CHUK: variants seen among roughly 807,000 people sequenced by gnomAD.
The protein encoded by CHUK is inhibitor of nuclear factor kappa-B kinase subunit alpha.
Under a neutral mutation model 104.8 loss-of-function variants are expected in CHUK, and 35 were observed. That is an observed-to-expected ratio of 0.33 (90% CI 0.26 to 0.44). CHUK has a LOEUF of 0.44. Among genes scored for constraint, CHUK ranks in the 20% least tolerant of loss-of-function variants. CHUK has a pLI of 1.00. For synonymous variants in CHUK, 276 were observed against 291.9 expected (o/e 0.95, Z 0.56); for missense variants, 663 against 902.7 (o/e 0.73, Z 3.40).
chr10:100,190,382 A>G (rs1845168913), intron 20 of CHUK: 1 of 186,550 alleles, frequency 5.4e-6, no homozygotes, highest in Non-Finnish European at 1.1e-5. Context: ...TAAATGCAGG[A>G]AAAATTGATT....
chr10:100,206,116 T>C (rs1318166491), intron 11 of CHUK, among the ~76,000 whole-genome samples: 1 of 151,896 alleles, frequency 6.6e-6, no homozygotes, highest in Admixed American at 6.6e-5. Context: ...TGTTCTAAGA[T>C]GAGATCTTAG....
rs1845139151 is a variant in CHUK at position 100,189,237 on chromosome 10, A to G, written c.*361T>C. ...AACTACATTTGGTCTTACGCCCAAA[A>G]GTTAAAAGTTGACACTAATACATAG... On this transcript the variant is annotated 3_prime_UTR_variant, in exon 21 of 21. Transcript: ENST00000370397. The G allele has an allele frequency of 5.3e-6, 1 of 187,260 alleles. No individual in the cohort carries two copies. Among genetic ancestry groups the G allele is most frequent in the Non-Finnish European group, 1.1e-5 (1 of 89,974 alleles). The allele number at this position is 187,260 out of a possible 1,614,324, so 11.6% of individuals were successfully genotyped here.
At chr10:100,222,468 A>C (rs1846013350) in intron 3 of CHUK, among the ~76,000 whole-genome samples, 1 of 152,210 alleles carries the variant, frequency 6.6e-6, no homozygotes, top group Non-Finnish European at 1.5e-5. Flanking sequence ...AGGTAGAAAA[A>C]AAAGATTGCA....
rs1413934457 is a variant in CHUK, at chr10:100,217,979, ACC to A, written c.933+14_933+15del. ...TTTCAATGCTGGTCTTATGCAGTAGACCCATTAAGACTAACCTTCAAATTCAA... is the reference window on the plus strand; with the variant it reads ...TTTCAATGCTGGTCTTATGCAGTAGACATTAAGACTAACCTTCAAATTCAA... On this transcript the variant is annotated intron_variant, in intron 9 of 20. Transcript: ENST00000370397. The A allele has an allele frequency of 6.2e-7, 1 of 1,612,226 alleles. No individual in the cohort carries two copies. The highest frequency in any genetic ancestry group is 8.5e-7 in the Non-Finnish European group (1 of 1,178,260).
chr10:100,227,691 G>A lies in CHUK; in HGVS notation c.106-1674C>T, dbSNP rs115261203. Among the ~76,000 whole-genome samples the A allele has an allele frequency of 6.4e-3, 974 of 152,050 alleles. 10 individuals carry two copies. The highest frequency in any genetic ancestry group is 0.023 in the African/African-American group (937 of 41,444). On this transcript the variant is annotated intron_variant, in intron 1 of 20. Transcript: ENST00000370397. The stretch of plus-strand genomic sequence containing the variant: ...AAGATTTTCTCCTATGCCCTATCTA[G>A]AAACCTGGTTCACAAAACTTCCTCA...
At chr10:100,186,750 G>A (rs1191909357), downstream of CHUK, 1 of 152,230 alleles carries the variant, frequency 6.6e-6, no homozygotes, top group Non-Finnish European at 1.5e-5. Context: ...AATAAAAAAG[G>A]GAAGGAAAAA....
At chr10:100,222,798 T>C (rs1202216105) in intron 3 of CHUK, 68 bp downstream of exon 3, 9 of 818,978 alleles carry the variant, frequency 1.1e-5, no homozygotes, top group Non-Finnish European at 1.7e-5. Flanking sequence ...GTTTATTATA[T>C]TTAACATGAT....
chr10:100,229,446 G>T lies in CHUK; in HGVS notation c.87C>A (p.Val29=). 6 of 1,603,130 alleles carry T rather than the reference G, an allele frequency of 3.7e-6. No homozygotes were observed. Among genetic ancestry groups the T allele is most frequent in the Non-Finnish European group, 5.1e-6 (6 of 1,178,008 alleles). ...ERLGTGGFGN[V]CLYQHRELDL... ...GCCTCACCCGATGCTGGTACAGACA[G>T]ACGTTCCCGAAGCCGCCGGTGCCCA... The change falls in exon 1 of 21, where the codon GTC becomes GTA. Residue 29 remains valine (V), a synonymous_variant. Coordinates refer to ENST00000370397, the MANE Select transcript of CHUK (RefSeq NM_001278.5).
At chr10:100,205,039 C>T in intron 12 of CHUK, 37 bp downstream of exon 12, 6 of 1,612,640 alleles carry the variant, frequency 3.7e-6, no homozygotes, top group Non-Finnish European at 5.1e-6. Flanking sequence ...ATATGATGCA[C>T]ATTGCATTGT....
In CHUK at chr10:100,218,718, C is replaced by T; in HGVS notation, c.797G>A (p.Ser266Asn). The T allele has an allele frequency of 1.9e-6, 3 of 1,597,402 alleles. No homozygotes were observed. The highest frequency in any genetic ancestry group is 2.6e-6 in the Non-Finnish European group (3 of 1,164,826). The part of the protein sequence containing the change: ...SHLPQPNSLC[S>N]LVVEPMENWL... The stretch of plus-strand genomic sequence containing the variant: ...ACTTCCTTAACTAAAATATACTTAC[C>T]TACAAAGGCTATTTGGTTGAGGTAA... The change falls in exon 8 of 21, where the codon AGT becomes AAT. Residue 266 changes from serine to asparagine, a missense_variant and splice_region_variant. This residue lies in a region of CHUK where 200 missense variants were observed against 333.0 expected (regional missense o/e 0.60). Coordinates refer to ENST00000370397, the MANE Select transcript of CHUK (RefSeq NM_001278.5).
At chr10:100,221,125 C>T (rs1845976689) in intron 4 of CHUK, among the ~76,000 whole-genome samples, 1 of 152,088 alleles carries the variant, frequency 6.6e-6, no homozygotes, top group African/African-American at 2.4e-5. Flanking sequence ...TCTGATTAAG[C>T]AGAGATTTTT....
At chr10:100,198,170 G>C (rs1845380594) in intron 16 of CHUK, among the ~76,000 whole-genome samples, 1 of 151,920 alleles carries the variant, frequency 6.6e-6, no homozygotes, top group Admixed American at 6.6e-5. Flanking sequence ...AATAATCATA[G>C]TTTGCCTGAC....
chr10:100,191,872 A>G (rs548289981), intron 19 of CHUK, among the ~76,000 whole-genome samples: 1 of 152,338 alleles, frequency 6.6e-6, no homozygotes, highest in South Asian at 2.1e-4. Context: ...TAATTCCAGC[A>G]CTTTTGGAGG....
chr10:100,193,921 C>T, intron 18 of CHUK, 63 bp downstream of exon 18: 1 of 1,465,796 alleles, frequency 6.8e-7, no homozygotes, highest in South Asian at 1.1e-5. Context: ...TGATAAAAAT[C>T]CCCTTTGCAA....
At chr10:100,194,338 A>G in intron 17 of CHUK, 87 bp downstream of exon 17, 1 of 1,142,618 alleles carries the variant, frequency 8.8e-7, no homozygotes, top group Non-Finnish European at 1.3e-6. Context: ...GGGTAAGTAT[A>G]CTTTACCAAA....
Position 100,229,528 on chromosome 10 carries a change from T to A in CHUK, c.5A>T (p.Glu2Val). The stretch of plus-strand genomic sequence containing the variant: ...GCCCGGCCGCAGCCCCGGGGGCCGC[T>A]CCATGGGGCGGGAGGGCAAGCGGCC... M[E>V]RPPGLRPGAG... Residue 2 changes from glutamate (E) to valine (V), a missense_variant, in exon 1 of 21, where the codon GAG becomes GTG. By Grantham distance (121) the Glu-to-Val change is moderately radical. This residue lies in a region of CHUK where 44 missense variants were observed against 39.2 expected (regional missense o/e 1.12). Coordinates refer to ENST00000370397, the MANE Select transcript of CHUK (RefSeq NM_001278.5). 2.6e-6 allele frequency: 4 copies of A among 1,540,372 alleles called. No homozygotes were observed. The highest frequency in any genetic ancestry group is 3.5e-6 in the Non-Finnish European group (4 of 1,147,508).
intron 9 of CHUK, among the ~76,000 whole-genome samples, chr10:100,216,276 C>T (rs1207402085): frequency 2.0e-5 from 3 of 152,184 alleles, no homozygotes; most frequent in Admixed American, 6.5e-5. Flanking sequence ...AGAACTAAAG[C>T]CCTGCTTTCC....
intron 16 of CHUK, among the ~76,000 whole-genome samples, chr10:100,198,883 T>C (rs557070883): frequency 4.1e-4 from 62 of 152,338 alleles, no homozygotes; most frequent in African/African-American, 1.5e-3. Flanking sequence ...ATTTCTTCTG[T>C]TACCCTTCAA....
At chr10:100,205,908 A>G (rs17885473) in intron 11 of CHUK, among the ~76,000 whole-genome samples, 306 of 152,338 alleles carry the variant, frequency 2.0e-3, no homozygotes, top group African/African-American at 7.2e-3. Context: ...AGCCTGGGCG[A>G]CAAGAGTGAA....
Sources: gnomAD v4.1 joint callset for allele counts (sites outside exome capture counted in the v4.1 genomes callset) on GRCh38, gnomAD v4.1.1 for gene constraint, gnomAD v4.1.1 regional missense constraint, MANE v1.5 for transcripts, NCBI Gene and HGNC (gene_info 2026-07-23, HGNC 2026-07-21) for gene names.